Variants in TNRC6A observed in about 807,000 individuals in gnomAD.
The protein encoded by TNRC6A is trinucleotide repeat containing adaptor 6A.
In TNRC6A, 44 loss-of-function variants were observed where a neutral mutation model predicts 221.2. That is an observed-to-expected ratio of 0.20 (90% confidence interval 0.16 to 0.26). The LOEUF (loss-of-function observed/expected upper bound fraction) is 0.26, where lower values mean the gene tolerates loss of function less well. TNRC6A is among the 10% of genes least tolerant of loss of function. TNRC6A has a pLI of 1.00. For synonymous variants in TNRC6A, 847 were observed against 838.5 expected, an observed-to-expected ratio of 1.01 and a Z score of -0.18; for missense variants, 2,199 against 2,404.4, an observed-to-expected ratio of 0.91 and a Z score of 1.79.
chr16:24,652,852 C>G (rs1442598298), intron 2 of TNRC6A, among the ~76,000 whole-genome samples: 1 of 152,110 alleles, frequency 6.6e-6, no homozygotes, highest in Non-Finnish European at 1.5e-5. Context: ...ATGGATTGAT[C>G]GTTTAATCCT....
At chr16:24,634,770 A>G (rs1025819142) in intron 1 of TNRC6A, among the ~76,000 whole-genome samples, 3 of 152,232 alleles carry the variant, frequency 2.0e-5, no homozygotes, top group Non-Finnish European at 4.4e-5. Context: ...GTGGGGCAGC[A>G]TCAGCCCCCA....
chr16:24,653,324 C>A (rs1433917825), intron 2 of TNRC6A, among the ~76,000 whole-genome samples: 2 of 152,112 alleles, frequency 1.3e-5, no homozygotes, highest in East Asian at 3.8e-4. Context: ...AAAACAAAGC[C>A]CTTCGGAATC....
chr16:24,818,269 C>A (rs145430734), intron 20 of TNRC6A, among the ~76,000 whole-genome samples: 1 of 152,178 alleles, frequency 6.6e-6, no homozygotes, highest in Non-Finnish European at 1.5e-5. Flanking sequence ...CTCGAACCTC[C>A]TTTTTAGACC....
At chr16:24,786,149 A>G (rs762086185) in intron 5 of TNRC6A, among the ~76,000 whole-genome samples, 1 of 152,204 alleles carries the variant, frequency 6.6e-6, no homozygotes, top group Non-Finnish European at 1.5e-5. Context: ...TGTTCTTTAT[A>G]AGGGAGACAT....
Position 24,820,112 on chromosome 16 carries a change from C to A in TNRC6A, c.5081-27C>A, listed in dbSNP as rs570217862. On this transcript the variant is annotated intron_variant, in intron 21 of 24. Transcript: ENST00000395799. ...TCCTTTCTTAAACATTATTCCTCCC[C>A]TCTCCATTTTTTCCCCCTTTGAGTA... The A allele has an allele frequency of 6.3e-6, 10 of 1,587,832 alleles. No individual in the cohort carries two copies. The East Asian group carries it at 1.8e-4, about 28-fold the overall frequency.
At chr16:24,756,453 ATAC>A (rs1567429837) in intron 3 of TNRC6A, among the ~76,000 whole-genome samples, 1 of 152,254 alleles carries the variant, frequency 6.6e-6, no homozygotes, top group Non-Finnish European at 1.5e-5. Flanking sequence ...CTTGGTTTCT[ATAC>A]TACTACTTTC....
chr16:24,825,244 G>A lies in TNRC6A; in HGVS notation c.*1437G>A, dbSNP rs2058845305. On this transcript the variant is annotated 3_prime_UTR_variant, in exon 25 of 25. Transcript: ENST00000395799. ...GTATTATAATGCTTGCTTAGTCAAAGAAGAGAGACTAAACAAGGGTAAAAA... is the reference window on the plus strand; with the variant it reads ...GTATTATAATGCTTGCTTAGTCAAAAAAGAGAGACTAAACAAGGGTAAAAA... 6.6e-6 allele frequency: 1 copy of A among 152,588 alleles called. No homozygotes were observed. The highest frequency in any genetic ancestry group is 2.4e-5 in the African/African-American group (1 of 41,432). 9.5% of individuals were successfully genotyped at this position (152,588 alleles called of 1,614,324 possible).
At chr16:24,743,401 G>A (rs530270557) in intron 2 of TNRC6A, among the ~76,000 whole-genome samples, 1 of 152,162 alleles carries the variant, frequency 6.6e-6, no homozygotes, top group South Asian at 2.1e-4. Context: ...TTAGCTCACT[G>A]TGCGACCTCT....
chr16:24,822,503 A>G (rs2058785683), intron 23 of TNRC6A, among the ~76,000 whole-genome samples: 1 of 152,066 alleles, frequency 6.6e-6, no homozygotes, highest in Non-Finnish European at 1.5e-5. Context: ...AGGTGAGAGC[A>G]TTTTCTTAGC....
At chr16:24,805,174 C>A in intron 14 of TNRC6A, 23 bp downstream of exon 14, 1 of 1,611,174 alleles carries the variant, frequency 6.2e-7, no homozygotes, top group Non-Finnish European at 8.5e-7. Context: ...TCCTTACATT[C>A]TCCTGTTTAC....
intron 4 of TNRC6A, among the ~76,000 whole-genome samples, chr16:24,771,561 T>TATGTTG (rs1555502085): frequency 3.0e-5 from 3 of 99,182 alleles, no homozygotes. Context: ...TATGTTATGT[T>TATGTTG]TTATGTTATG....
At chr16:24,667,859 C>T (rs1207724172) in intron 2 of TNRC6A, among the ~76,000 whole-genome samples, 1 of 148,696 alleles carries the variant, frequency 6.7e-6, no homozygotes, top group Non-Finnish European at 1.5e-5. Context: ...GGCAACATAC[C>T]AAGAAAATTT....
At position 24,660,071 on chromosome 16, in the gene TNRC6A, TA is replaced by T. The variant is rs536178186; in HGVS notation, n.402+19063del. Reference sequence around the variant, plus strand: ...ATTTTGATGCCATTTTATTTTATTTTATTTTTTTAACTTTTTATTTCTGTAG... The same window carrying T: ...ATTTTGATGCCATTTTATTTTATTTTTTTTTTTAACTTTTTATTTCTGTAG... On this transcript the variant is annotated intron_variant and non_coding_transcript_variant, in intron 2 of 2. Coordinates refer to the TNRC6A transcript ENST00000566108. Among the ~76,000 whole-genome samples the T allele has an allele frequency of 2.6e-3, 393 of 152,300 alleles. 3 individuals are homozygous for T. The highest frequency in any genetic ancestry group is 9.2e-3 in the African/African-American group (383 of 41,566).
chr16:24,804,848 A>G lies in TNRC6A; in HGVS notation c.3981A>G (p.Arg1327=), dbSNP rs2058397858. ...GTATGCAAAACTTGAATTCTGTTAG[A>G]CAGGTAAGTCCAGATGTGTATTTTA... ...GLGMQNLNSV[R]QNGNPSMFGV... is the part of the protein sequence containing the mutation. The change falls in exon 13 of 25, where the codon AGA becomes AGG. Residue 1327 remains arginine (R), a synonymous_variant. Transcript: ENST00000395799. 1 of 1,613,258 alleles carries G rather than the reference A, an allele frequency of 6.2e-7. No individual in the cohort carries two copies. Among genetic ancestry groups the G allele is most frequent in the Non-Finnish European group, 8.5e-7 (1 of 1,179,858 alleles).
At chr16:24,678,365 T>G (rs1443898729) in intron 2 of TNRC6A, among the ~76,000 whole-genome samples, 1 of 150,402 alleles carries the variant, frequency 6.6e-6, no homozygotes, top group Non-Finnish European at 1.5e-5. Flanking sequence ...CCGCTTCCAG[T>G]ATTAGGTGAT....
chr16:24,649,739 A>G (rs59482817), intron 2 of TNRC6A, among the ~76,000 whole-genome samples: 34,753 of 150,494 alleles, frequency 0.23, 4,183 homozygotes, highest in African/African-American at 0.3. Context: ...TTATTCCTCC[A>G]GTCTAACTGA....
intron 3 of TNRC6A, 45 bp from the exon 4 acceptor site, chr16:24,758,294 A>G (rs1487211702): frequency 1.3e-6 from 2 of 1,561,864 alleles, no homozygotes; most frequent in Non-Finnish European, 1.8e-6. Context: ...CATTTCTTTC[A>G]GTTTCATATT....
intron 2 of TNRC6A, among the ~76,000 whole-genome samples, chr16:24,664,529 A>C (rs1407140727): frequency 7.0e-6 from 1 of 142,442 alleles, no homozygotes; most frequent in Non-Finnish European, 1.5e-5. Context: ...TAAATATAAT[A>C]TATATATTTT....
chr16:24,824,402 TTTTCATGTTG>T lies in TNRC6A; in HGVS notation c.*597_*606del, dbSNP rs1186712229. 5 of 152,512 alleles carry T rather than the reference TTTTCATGTTG, an allele frequency of 3.3e-5. No individual in the cohort carries two copies. The highest frequency in any genetic ancestry group is 1.2e-4 in the African/African-American group (5 of 41,378). The allele number at this position is 152,512 out of a possible 1,614,324, so 9.4% of individuals were successfully genotyped here. A position where few individuals can be genotyped will look rare whatever the true frequency, so the allele number is the denominator to read the frequency against. ...TATTAATGAAAGTGTTGCACCAGTTTTTTCATGTTGTAAAACTAAAGAATTTCGCTCTGCA... is the reference window on the plus strand; with the variant it reads ...TATTAATGAAAGTGTTGCACCAGTTTTAAAACTAAAGAATTTCGCTCTGCA... On this transcript the variant is annotated 3_prime_UTR_variant, in exon 25 of 25. Coordinates refer to ENST00000395799, the MANE Select transcript of TNRC6A (RefSeq NM_014494.4).
Sources: gnomAD v4.1 joint callset for allele counts (sites outside exome capture counted in the v4.1 genomes callset) on GRCh38, gnomAD v4.1.1 for gene constraint, MANE v1.5 for transcripts, NCBI Gene and HGNC (gene_info 2026-07-23, HGNC 2026-07-21) for gene names.